Variants in FNDC1 observed in about 807,000 individuals in gnomAD.
The protein encoded by FNDC1 is fibronectin type III domain-containing protein 1.
FNDC1 carries 96 observed loss-of-function variants against 168.0 expected under a neutral mutation model. The ratio of observed to expected loss-of-function variants is 0.57; its 90% CI spans 0.48 to 0.68. FNDC1 has a LOEUF of 0.68. FNDC1 is among the 30% of genes least tolerant of loss of function. FNDC1 has a pLI of 0.00. For synonymous variants in FNDC1, 1,099 were observed against 1,025.9 expected (o/e 1.07, Z -1.36); for missense variants, 2,587 against 2,482.1 (o/e 1.04, Z -0.90).
Position 159,251,469 on chromosome 6 carries a change from G to A in FNDC1, c.5002G>A (p.Glu1668Lys). The change falls in exon 17 of 23, where the codon GAA becomes AAA. Residue 1668 changes from glutamate to lysine, a missense_variant. By Grantham distance (56) the Glu-to-Lys change is moderately conservative. Transcript: ENST00000297267. ...APRNITVVAV[E>K]GCHSFVIVDW... The stretch of plus-strand genomic sequence containing the variant: ...CCGCAACATCACCGTGGTGGCCGTG[G>A]AAGGTTGCCACTCATTTGTCATTGT... 1 of 1,613,966 alleles carries A rather than the reference G, an allele frequency of 6.2e-7. No individual in the cohort carries two copies. Among genetic ancestry groups the A allele is most frequent in the South Asian group, 1.1e-5 (1 of 91,058 alleles).
intron 4 of FNDC1, among the ~76,000 whole-genome samples, chr6:159,207,962 C>T (rs1479043142): frequency 6.6e-6 from 1 of 152,346 alleles, no homozygotes; most frequent in East Asian, 1.9e-4. Flanking sequence ...CTGTGGGGAT[C>T]CAGCCATTAA....
At position 159,234,474 on chromosome 6, in the gene FNDC1, G is replaced by A; in HGVS notation, c.3962G>A (p.Arg1321Lys). The change falls in exon 11 of 23, where the codon AGA becomes AAA. Residue 1321 changes from arginine (R) to lysine (K), a missense_variant. Physicochemically the swap from Arg to Lys is conservative, Grantham distance 26. Coordinates refer to ENST00000297267, the MANE Select transcript of FNDC1 (RefSeq NM_032532.3). Reference sequence around the variant, plus strand: ...CGACAGCCTGCCAGACCCTCTTACAGACAAGGTAGTTTATTTTTTCAAACA... The same window carrying A: ...CGACAGCCTGCCAGACCCTCTTACAAACAAGGTAGTTTATTTTTTCAAACA... ...LSRQPARPSY[R>K]QGYNGRPNVE... 2 of 1,613,146 alleles carry A rather than the reference G, an allele frequency of 1.2e-6. No homozygotes were observed. The highest frequency in any genetic ancestry group is 1.7e-6 in the Non-Finnish European group (2 of 1,179,816).
intron 1 of FNDC1, 97 bp from the exon 2 acceptor site, chr6:159,197,334 T>A: frequency 1.7e-6 from 2 of 1,153,710 alleles, no homozygotes; most frequent in Non-Finnish European, 2.5e-6. Flanking sequence ...TGATTAAACG[T>A]CATTTACTGT....
chr6:159,219,399 G>T (rs1338730231), intron 5 of FNDC1, among the ~76,000 whole-genome samples: 1 of 152,142 alleles, frequency 6.6e-6, no homozygotes, highest in Non-Finnish European at 1.5e-5. Context: ...TGACACCATT[G>T]CATGTTCATC....
At chr6:159,257,049 T>A (rs1562311097) in intron 18 of FNDC1, among the ~76,000 whole-genome samples, 1 of 152,226 alleles carries the variant, frequency 6.6e-6, no homozygotes, top group African/African-American at 2.4e-5. Flanking sequence ...TTCACATCAT[T>A]CAAGAAAGAT....
rs1322683638 is a variant in FNDC1 at position 159,232,167 on chromosome 6, C to G, written c.1655C>G (p.Ser552Trp). 1 of 1,613,834 alleles carries G rather than the reference C, an allele frequency of 6.2e-7. No individual in the cohort carries two copies. Among genetic ancestry groups the G allele is most frequent in the Admixed American group, 1.7e-5 (1 of 60,016 alleles). ...GEEELGSRED[S>W]PMSPSDTQDQ... is the part of the protein sequence containing the mutation. ...GAGGAGCTGGGTTCCCGGGAGGACT[C>G]GCCCATGTCACCCTCAGACACCCAA... The change falls in exon 11 of 23, where the codon TCG (serine) becomes TGG (tryptophan). Residue 552 changes from serine to tryptophan, a missense_variant. Physicochemically the swap from Ser to Trp is radical, Grantham distance 177. Transcript: ENST00000297267. This position sits in a 1 kb window ranked among gnomAD's most constrained non-coding sequence, Gnocchi z 4.9.
At chr6:159,190,085 G>A (rs555335799) in intron 1 of FNDC1, among the ~76,000 whole-genome samples, 8 of 152,332 alleles carry the variant, frequency 5.3e-5, no homozygotes, top group African/African-American at 1.9e-4. Context: ...ATCCCAGGAA[G>A]ATACATGGCA....
At chr6:159,262,099 C>G (rs1003847200) in intron 19 of FNDC1, among the ~76,000 whole-genome samples, 16 of 152,104 alleles carry the variant, frequency 1.1e-4, no homozygotes, top group Non-Finnish European at 2.1e-4. Flanking sequence ...AGAGTGAGAC[C>G]TTGTCTCTGA....
chr6:159,229,145 T>C (rs1472929348), intron 9 of FNDC1, among the ~76,000 whole-genome samples: 2 of 122,968 alleles, frequency 1.6e-5, no homozygotes, highest in Non-Finnish European at 3.1e-5. Context: ...GAATTTGCTT[T>C]GGTTTTCCAA....
chr6:159,235,638 GAGAC>G (rs1164880862), intron 11 of FNDC1, among the ~76,000 whole-genome samples: 4 of 152,218 alleles, frequency 2.6e-5, no homozygotes, highest in African/African-American at 9.6e-5. Flanking sequence ...ATGTGAGGCA[GAGAC>G]AGACAGAAAC....
At chr6:159,243,509 A>G (rs1465711240) in intron 14 of FNDC1, among the ~76,000 whole-genome samples, 1 of 152,188 alleles carries the variant, frequency 6.6e-6, no homozygotes, top group Non-Finnish European at 1.5e-5. Context: ...CAAAAGCCTT[A>G]CTTCTTTGGT....
intron 13 of FNDC1, among the ~76,000 whole-genome samples, chr6:159,239,226 C>G (rs1353286758): frequency 6.6e-6 from 1 of 152,054 alleles, no homozygotes. Flanking sequence ...TGAGGCTTAA[C>G]ATATTCGCTT....
intron 4 of FNDC1, among the ~76,000 whole-genome samples, chr6:159,203,511 G>C (rs1286948613): frequency 1.3e-5 from 2 of 152,176 alleles, no homozygotes; most frequent in Non-Finnish European, 2.9e-5. Flanking sequence ...GGAAATGACA[G>C]GATCGAGCGA....
intron 1 of FNDC1, among the ~76,000 whole-genome samples, chr6:159,172,500 A>C (rs892468799): frequency 2.0e-5 from 3 of 152,178 alleles, no homozygotes; most frequent in Admixed American, 6.5e-5. Flanking sequence ...GTTTCCCAAT[A>C]TTTAAATTTT....
intron 1 of FNDC1, among the ~76,000 whole-genome samples, chr6:159,185,508 G>T (rs549354721): frequency 2.4e-4 from 37 of 152,324 alleles, no homozygotes; most frequent in African/African-American, 8.2e-4. Context: ...AAACTTGGGA[G>T]CAGAGAGACC....
chr6:159,230,748 C>T (rs1315058413), intron 10 of FNDC1, among the ~76,000 whole-genome samples: 2 of 152,108 alleles, frequency 1.3e-5, no homozygotes, highest in African/African-American at 4.8e-5. Context: ...GCTTTTCCTT[C>T]ATTATGTGCT....
intron 18 of FNDC1, among the ~76,000 whole-genome samples, chr6:159,257,314 G>T (rs568849713): frequency 6.6e-6 from 1 of 152,250 alleles, no homozygotes; most frequent in Admixed American, 6.5e-5. Flanking sequence ...GTGGTGTGCT[G>T]GTAAACTGGC....
intron 1 of FNDC1, among the ~76,000 whole-genome samples, chr6:159,193,368 C>A (rs1163183860): frequency 1.3e-5 from 2 of 152,124 alleles, no homozygotes; most frequent in African/African-American, 4.8e-5. Flanking sequence ...AGGTTCATGG[C>A]CCTTGTGAGC....
At chr6:159,222,728 C>T (rs936531899) in intron 6 of FNDC1, among the ~76,000 whole-genome samples, 1 of 152,176 alleles carries the variant, frequency 6.6e-6, no homozygotes, top group African/African-American at 2.4e-5. Flanking sequence ...AATGTGAGGA[C>T]ATCAAACCCA....
Sources: allele counts gnomAD v4.1 joint callset (sites outside exome capture counted in the v4.1 genomes callset), GRCh38; gene constraint gnomAD v4.1.1; non-coding constraint Gnocchi (gnomAD v3.1); transcripts MANE v1.5; gene names NCBI Gene and HGNC (gene_info 2026-07-23, HGNC 2026-07-21).